The following NR2F1-AS1 variants were observed in gnomAD, a reference collection of about 807,000 sequenced individuals.
NR2F1-AS1 encodes NR2F1 regulatory antisense RNA 1.
intron 4 of NR2F1-AS1, among the ~76,000 whole-genome samples, chr5:93,426,094 C>T (rs1338671900): frequency 6.6e-6 from 1 of 151,844 alleles, no homozygotes; most frequent in African/African-American, 2.4e-5. Flanking sequence ...GTCACCCAGG[C>T]TGGAGTGCAG....
chr5:93,445,167 A>G (rs1489236036), intron 4 of NR2F1-AS1, among the ~76,000 whole-genome samples: 1 of 152,200 alleles, frequency 6.6e-6, no homozygotes, highest in African/African-American at 2.4e-5. Context: ...AAACACATTC[A>G]AAAGCTAGCA....
intron 4 of NR2F1-AS1, among the ~76,000 whole-genome samples, chr5:93,526,361 C>T (rs1561483573): frequency 6.6e-6 from 1 of 152,114 alleles, no homozygotes; most frequent in Admixed American, 6.5e-5. Context: ...TAACGGCCTA[C>T]CAACCAACAA....
chr5:93,512,143 T>C (rs1751311242), intron 4 of NR2F1-AS1, among the ~76,000 whole-genome samples: 1 of 152,178 alleles, frequency 6.6e-6, no homozygotes, highest in Non-Finnish European at 1.5e-5. Context: ...GCTCCATGCA[T>C]GTTATTGCCC....
At chr5:93,437,739 C>T (rs144342103) in intron 4 of NR2F1-AS1, among the ~76,000 whole-genome samples, 364 of 152,288 alleles carry the variant, frequency 2.4e-3, no homozygotes, top group African/African-American at 8.3e-3. Context: ...CAGTAACCAC[C>T]TGCTGTAACT....
chr5:93,492,849 A>T lies in NR2F1-AS1; in HGVS notation n.638+60912T>A, dbSNP rs539310524. On this transcript the variant is annotated intron_variant and non_coding_transcript_variant, in intron 4 of 5. Transcript: ENST00000660523. Reference sequence around the variant, plus strand: ...AAAATTCTATATCATTTCATGATAAAAAAAAAAAACACTCACAAACTAGGA... The same window carrying T: ...AAAATTCTATATCATTTCATGATAATAAAAAAAAACACTCACAAACTAGGA... 1.1e-3 allele frequency among the ~76,000 whole-genome samples: 168 copies of T among 151,874 alleles called. 1 individual carries two copies. Among genetic ancestry groups the T allele is most frequent in the African/African-American group, 3.4e-3 (143 of 41,484 alleles).
At chr5:93,517,430 CT>C (rs530111171) in intron 4 of NR2F1-AS1, among the ~76,000 whole-genome samples, 46 of 151,920 alleles carry the variant, frequency 3.0e-4, no homozygotes, top group Middle Eastern at 3.4e-3. Context: ...CTAATCAAAA[CT>C]TTTTTTTAAT....
chr5:93,524,893 C>A (rs1751578683), intron 4 of NR2F1-AS1, among the ~76,000 whole-genome samples: 1 of 152,282 alleles, frequency 6.6e-6, no homozygotes, highest in East Asian at 1.9e-4. Flanking sequence ...ATACCAGCCA[C>A]TGCAAAAACA....
intron 2 of NR2F1-AS1, among the ~76,000 whole-genome samples, chr5:93,558,562 T>C (rs1354735741): frequency 6.6e-6 from 1 of 152,172 alleles, no homozygotes; most frequent in Non-Finnish European, 1.5e-5. Context: ...CCTCAGGTGA[T>C]CCACCTGCCT....
chr5:93,525,403 A>G (rs535835283), intron 4 of NR2F1-AS1, among the ~76,000 whole-genome samples: 1 of 152,052 alleles, frequency 6.6e-6, no homozygotes, highest in Non-Finnish European at 1.5e-5. Flanking sequence ...CTCCCACACA[A>G]TAATAGCGGG....
upstream of NR2F1-AS1, chr5:93,585,111 G>A: frequency 1.0e-6 from 1 of 994,982 alleles, no homozygotes; most frequent in Non-Finnish European, 1.2e-6. Context: ...AGCGCAGGCG[G>A]CCCGCGGCGG....
At chr5:93,434,707 C>A (rs997029389) in intron 4 of NR2F1-AS1, among the ~76,000 whole-genome samples, 13 of 152,122 alleles carry the variant, frequency 8.5e-5, no homozygotes, top group African/African-American at 2.9e-4. Context: ...TGCTGTATGG[C>A]AATTTTTGTT....
chr5:93,446,831 C>T (rs1749721598), intron 4 of NR2F1-AS1, among the ~76,000 whole-genome samples: 2 of 152,278 alleles, frequency 1.3e-5, no homozygotes, highest in Non-Finnish European at 2.9e-5. Flanking sequence ...TTCAAAACAG[C>T]ATGGTACTGG....
At chr5:93,442,207 G>A (rs1002070561) in intron 4 of NR2F1-AS1, among the ~76,000 whole-genome samples, 1 of 152,198 alleles carries the variant, frequency 6.6e-6, no homozygotes, top group Non-Finnish European at 1.5e-5. Context: ...GACAGTGGGT[G>A]CAGCCCACAG....
chr5:93,416,450 G>A (rs972076785), intron 4 of NR2F1-AS1, among the ~76,000 whole-genome samples: 3 of 152,066 alleles, frequency 2.0e-5, no homozygotes, highest in African/African-American at 7.2e-5. Context: ...TCTAGAATAA[G>A]ATTCATTAAT....
intron 4 of NR2F1-AS1, among the ~76,000 whole-genome samples, chr5:93,493,725 G>T (rs1234805380): frequency 6.6e-6 from 1 of 152,024 alleles, no homozygotes; most frequent in South Asian, 2.1e-4. Flanking sequence ...TTTGACAAGG[G>T]TGCCAAGGCC....
intron 4 of NR2F1-AS1, among the ~76,000 whole-genome samples, chr5:93,443,256 A>C (rs188810062): frequency 3.0e-4 from 46 of 152,346 alleles, no homozygotes; most frequent in Non-Finnish European, 5.9e-5. Context: ...TCTCTGAGCT[A>C]AAGTATGATG....
intron 4 of NR2F1-AS1, among the ~76,000 whole-genome samples, chr5:93,444,089 CA>C (rs1190905074): frequency 6.6e-6 from 1 of 152,174 alleles, no homozygotes; most frequent in East Asian, 1.9e-4. Context: ...CCAGCCACTG[CA>C]AAAACATGAC....
intron 1 of NR2F1-AS1, among the ~76,000 whole-genome samples, chr5:93,572,360 G>T (rs1752790341): frequency 6.6e-6 from 1 of 152,196 alleles, no homozygotes. Flanking sequence ...AGACAGAGGC[G>T]CCCGGCTTGT....
chr5:93,472,989 A>G (rs2149871156), intron 4 of NR2F1-AS1, among the ~76,000 whole-genome samples: 2 of 152,042 alleles, frequency 1.3e-5, no homozygotes, highest in Admixed American at 1.3e-4. Flanking sequence ...ATTTTTACCA[A>G]TATATAAAAC....
Sources: allele counts gnomAD v4.1 joint callset (sites outside exome capture counted in the v4.1 genomes callset), GRCh38; gene constraint gnomAD v4.1.1; transcripts MANE v1.5; gene names NCBI Gene and HGNC (gene_info 2026-07-23, HGNC 2026-07-21).